Variants in NCALD observed in about 807,000 individuals in gnomAD.
NCALD encodes the protein neurocalcin-delta.
A neutral mutation model predicts 18.6 loss-of-function variants in NCALD; 10 were observed. That is an observed-to-expected ratio of 0.54 (90% CI 0.33 to 0.91). The LOEUF is 0.91. Ranked by LOEUF, NCALD falls within the 40% of genes least tolerant of loss-of-function variation. The pLI is 0.03. For missense variants in NCALD, 184 were observed against 247.6 expected (o/e 0.74, Z 1.72); for synonymous variants, 88 against 87.4 (o/e 1.01, Z -0.04).
chr8:101,788,162 C>T (rs1240040630), intron 1 of NCALD, among the ~76,000 whole-genome samples: 3 of 152,124 alleles, frequency 2.0e-5, no homozygotes, highest in East Asian at 1.9e-4. Context: ...AAATCCGATG[C>T]GGTGGAACCG....
intron 4 of NCALD, among the ~76,000 whole-genome samples, chr8:101,802,540 G>A (rs1010785433): frequency 6.6e-6 from 1 of 151,552 alleles, no homozygotes; most frequent in African/African-American, 2.4e-5. Flanking sequence ...GATCGTGAAG[G>A]AAATTTAAAA....
chr8:102,025,669 T>A (rs1822428838), intron 1 of NCALD, among the ~76,000 whole-genome samples: 1 of 152,210 alleles, frequency 6.6e-6, no homozygotes, highest in Non-Finnish European at 1.5e-5. Flanking sequence ...ATCTTATTCT[T>A]TTTTCTACTA....
In NCALD at chr8:101,842,570, G is replaced by A. The variant is rs374781228; in HGVS notation, c.-20+44571C>T. ...CCCCTTTGGAATTATCCTTATGTTA[G>A]TTGCCTCATGGTCACAAGATGGCTA... On this transcript the variant is annotated intron_variant, in intron 4 of 6. Coordinates refer to the NCALD transcript ENST00000311028. Among the ~76,000 whole-genome samples, 10 of 152,330 alleles carry A rather than the reference G, an allele frequency of 6.6e-5. No homozygotes were observed. In the East Asian group the frequency reaches 1.3e-3, roughly 21 times the overall value.
intron 2 of NCALD, among the ~76,000 whole-genome samples, chr8:101,943,979 C>CA (rs34356914): frequency 8.8e-4 from 133 of 150,588 alleles, no homozygotes; most frequent in Middle Eastern, 3.4e-3. Flanking sequence ...AACAAACAAA[C>CA]AAAAAAAAAC....
intron 1 of NCALD, among the ~76,000 whole-genome samples, chr8:102,036,582 T>A (rs7817714): frequency 6.6e-6 from 1 of 151,714 alleles, no homozygotes; most frequent in Non-Finnish European, 1.5e-5. Context: ...TGAGACCAGC[T>A]TGGCTAACAT....
intron 4 of NCALD, among the ~76,000 whole-genome samples, chr8:101,833,828 C>T (rs965140183): frequency 2.0e-5 from 3 of 152,106 alleles, no homozygotes; most frequent in African/African-American, 7.2e-5. Flanking sequence ...GATAATTGTT[C>T]CCCTTCTCTC....
chr8:101,692,438 A>T, intron 3 of NCALD: 1 of 985,358 alleles, frequency 1.0e-6, no homozygotes, highest in Non-Finnish European at 1.2e-6. Flanking sequence ...ATTTTGATGA[A>T]CTGGACTGCA....
rs186556821 is a variant in NCALD, at chr8:101,832,641, G to A, written c.-20+54500C>T. ...CAACAAACCTGAAATATGAGAACTA[G>A]GTTATATTTATTTTTTTAAGCAAAC... On this transcript the variant is annotated intron_variant, in intron 4 of 6. Coordinates refer to the NCALD transcript ENST00000311028. Among the ~76,000 whole-genome samples, 449 of 152,242 alleles carry A rather than the reference G, an allele frequency of 2.9e-3. 1 individual carries two copies. The highest frequency in any genetic ancestry group is 5.6e-3 in the Admixed American group (86 of 15,292).
At chr8:101,938,409 C>G (rs1398535242) in intron 2 of NCALD, among the ~76,000 whole-genome samples, 1 of 152,166 alleles carries the variant, frequency 6.6e-6, no homozygotes, top group East Asian at 1.9e-4. Flanking sequence ...CATAGTACTT[C>G]AGTGGAGCCA....
Position 101,689,137 on chromosome 8 carries a change from C to T in NCALD, c.*172G>A, listed in dbSNP as rs560460574. The T allele has an allele frequency of 1.1e-4, 82 of 715,878 alleles. No homozygotes were observed. The highest frequency in any genetic ancestry group is 7.0e-4 in the African/African-American group (40 of 57,452). The allele number at this position is 715,878 out of a possible 1,614,324, so 44.3% of individuals were successfully genotyped here. ...CACACTGGGGCTCTGGGCATTCCCA[C>T]GAAGCATCCACGACAAAAGAAGCTG... is the stretch of plus-strand genomic sequence containing the variant. On this transcript the variant is annotated 3_prime_UTR_variant, in exon 4 of 4. Coordinates refer to ENST00000220931, the MANE Select transcript of NCALD (RefSeq NM_032041.3). This position sits in a 1 kb window ranked among gnomAD's most constrained non-coding sequence, Gnocchi z 4.4.
chr8:101,927,304 G>A (rs753625039), intron 2 of NCALD, among the ~76,000 whole-genome samples: 9 of 152,192 alleles, frequency 5.9e-5, no homozygotes, highest in Non-Finnish European at 1.2e-4. Context: ...CAAAGTCCCC[G>A]ATCTGGTGGA....
intron 1 of NCALD, among the ~76,000 whole-genome samples, chr8:102,055,400 G>A (rs937734729): frequency 2.0e-5 from 3 of 152,090 alleles, no homozygotes; most frequent in East Asian, 1.9e-4. Context: ...AAAAGCCTAC[G>A]TTCACGACAT....
chr8:101,780,227 T>C (rs1811955701), intron 1 of NCALD, among the ~76,000 whole-genome samples: 1 of 152,128 alleles, frequency 6.6e-6, no homozygotes, highest in African/African-American at 2.4e-5. Flanking sequence ...CCAGGTTGAA[T>C]GGCTGGTTAG....
chr8:102,081,385 A>G (rs1338653075), intron 1 of NCALD, among the ~76,000 whole-genome samples: 1 of 152,044 alleles, frequency 6.6e-6, no homozygotes, highest in East Asian at 1.9e-4. Flanking sequence ...TCACTGTCTC[A>G]ACAAAGCCCT....
intron 4 of NCALD, among the ~76,000 whole-genome samples, chr8:101,802,613 G>A (rs1812910765): frequency 6.6e-6 from 1 of 151,924 alleles, no homozygotes; most frequent in Non-Finnish European, 1.5e-5. Flanking sequence ...ATGTTCATAT[G>A]TAGAAAGTTT....
intron 1 of NCALD, among the ~76,000 whole-genome samples, chr8:101,737,131 T>C (rs1357955634): frequency 1.3e-5 from 2 of 152,308 alleles, no homozygotes; most frequent in South Asian, 4.2e-4. Context: ...ACAGTTCTTT[T>C]TTTTTTAGAC....
intron 3 of NCALD, among the ~76,000 whole-genome samples, chr8:101,899,127 C>T (rs1402105595): frequency 6.7e-6 from 1 of 150,158 alleles, no homozygotes; most frequent in East Asian, 1.9e-4. Flanking sequence ...GATATACACA[C>T]ATGTATTCCA....
At chr8:101,954,910 G>C (rs1332431225) in intron 2 of NCALD, among the ~76,000 whole-genome samples, 4 of 152,084 alleles carry the variant, frequency 2.6e-5, no homozygotes, top group Non-Finnish European at 4.4e-5. Context: ...ATGATCTATG[G>C]CTTCCCCCAA....
At chr8:101,709,236 T>C (rs182041355) in intron 2 of NCALD, among the ~76,000 whole-genome samples, 131 of 152,282 alleles carry the variant, frequency 8.6e-4, no homozygotes, top group Admixed American at 3.8e-3. Context: ...GTTACAGTCA[T>C]TTATGGTGTA....
Sources: allele counts gnomAD v4.1 joint callset (sites outside exome capture counted in the v4.1 genomes callset), GRCh38; gene constraint gnomAD v4.1.1; non-coding constraint Gnocchi (gnomAD v3.1); transcripts MANE v1.5; gene names NCBI Gene and HGNC (gene_info 2026-07-23, HGNC 2026-07-21).